TEP1: variants seen among roughly 807,000 people sequenced by gnomAD.
TEP1 encodes the protein telomerase protein component 1.
A neutral mutation model predicts 306.3 loss-of-function variants in TEP1; 241 were observed. The observed-to-expected ratio is 0.79, with a 90% CI of 0.71 to 0.88. The LOEUF (loss-of-function observed/expected upper bound fraction) is 0.88. Ranked by LOEUF, TEP1 falls within the 40% of genes least tolerant of loss-of-function variation. The probability of loss-of-function intolerance (pLI) is 0.00; values close to 1 mark genes in which losing one functional copy is unlikely to be tolerated. For missense variants in TEP1, 3,051 were observed against 3,276.1 expected (o/e 0.93, Z 1.68); for synonymous variants, 1,289 against 1,305.5 (o/e 0.99, Z 0.27).
intron 44 of TEP1, among the ~76,000 whole-genome samples, chr14:20,374,175 T>G (rs1885034522): frequency 6.6e-6 from 1 of 151,906 alleles, no homozygotes; most frequent in African/African-American, 2.4e-5. Context: ...ACTGTAGCCT[T>G]GAAATCCTGG....
chr14:20,410,568 G>A (rs1024080131), intron 1 of TEP1, among the ~76,000 whole-genome samples: 16 of 148,932 alleles, frequency 1.1e-4, no homozygotes, highest in Admixed American at 5.3e-4. Context: ...AATTACAGGC[G>A]CCCGCCACTA....
intron 51 of TEP1, among the ~76,000 whole-genome samples, chr14:20,370,822 C>T (rs1352280152): frequency 6.6e-6 from 1 of 152,176 alleles, no homozygotes; most frequent in East Asian, 1.9e-4. Flanking sequence ...AAGTGAACAG[C>T]TAGCTTTGGC....
At chr14:20,409,522 G>A (rs1879460280) in intron 1 of TEP1, among the ~76,000 whole-genome samples, 1 of 152,158 alleles carries the variant, frequency 6.6e-6, no homozygotes, top group African/African-American at 2.4e-5. Flanking sequence ...ACTCAAAGGT[G>A]CTCCAAATTC....
In TEP1 at chr14:20,404,722, G is replaced by T. The variant is rs1760898; in HGVS notation, c.921C>A (p.Asn307Lys). The T allele has an allele frequency of 0.25, 405,259 of 1,613,300 alleles. 54,837 individuals are homozygous for T. The highest frequency in any genetic ancestry group is 0.47 in the African/African-American group (35,404 of 74,952). The change falls in exon 5 of 55, where the codon AAC becomes AAA. Residue 307 changes from asparagine (N) to lysine (K), a missense_variant. Asn to Lys is a moderately conservative substitution (Grantham distance 94). This residue lies in a region of TEP1 where 1,507 missense variants were observed against 1,550.5 expected (regional missense o/e 0.97). Transcript: ENST00000262715. Reference protein sequence around the residue: ...QQLNVRNVANNILAIAAFLPA... With the variant: ...QQLNVRNVANKILAIAAFLPA... The stretch of plus-strand genomic sequence containing the variant: ...GCAAGAAAGCAGCAATGGCCAAGAT[G>T]TTATTGGCCACATTCCGGACGTTCA...
At position 20,378,386 on chromosome 14, in the gene TEP1, G is replaced by T; in HGVS notation, c.5502C>A (p.Val1834=). The change falls in exon 38 of 55, where the codon GTC becomes GTA. Residue 1834 remains valine (V), a synonymous_variant. Transcript: ENST00000262715. ...ISFFQVDGLK[V]TKDLGAPGAS... ...CAACACTGGACCTTCTTACCTTGGT[G>T]ACTTTGAGCCCATCCACCTGGAAGA... 1 of 1,614,190 alleles carries T rather than the reference G, an allele frequency of 6.2e-7. No individual in the cohort carries two copies. Among genetic ancestry groups the T allele is most frequent in the Non-Finnish European group, 8.5e-7 (1 of 1,180,050 alleles).
Position 20,380,392 on chromosome 14 carries a change from T to C in TEP1, c.4846A>G (p.Ile1616Val), listed in dbSNP as rs1373014155. 1.2e-6 allele frequency: 2 copies of C among 1,614,074 alleles called. No individual in the cohort carries two copies. The highest frequency in any genetic ancestry group is 1.7e-6 in the Non-Finnish European group (2 of 1,180,038). ...AGGAGCCGGGGGTACTGGCTGAGGATTGAAGCCTGCTGCCTCAGGAAGGTG... is the reference window on the plus strand; with the variant it reads ...AGGAGCCGGGGGTACTGGCTGAGGACTGAAGCCTGCTGCCTCAGGAAGGTG... The part of the protein sequence containing the change: ...FRTFLRQQAS[I>V]LSQYPRLLPQ... The change falls in exon 34 of 55, where the codon ATC becomes GTC. Residue 1616 changes from isoleucine to valine, a missense_variant. Ile to Val is a conservative substitution (Grantham distance 29). This residue lies in a region of TEP1 where 1,540 missense variants were observed against 1,705.9 expected (regional missense o/e 0.90). Coordinates refer to ENST00000262715, the MANE Select transcript of TEP1 (RefSeq NM_007110.5).
rs144833222 is a variant in TEP1, at chr14:20,378,026, T to A, written c.5719A>T (p.Lys1907Ter). ...CCACCAGCCCTCTGCAAGCTGACCT[T>A]GCCATCCTCTCCAGCCGTCAGTAAC... ...CQLLTAGEDG[K>*]VQVWSGSLGR... The change falls in exon 39 of 55, where the codon AAG becomes TAG. Residue 1907 changes from lysine to a stop codon, truncating the protein, a stop_gained and splice_region_variant. Coordinates refer to ENST00000262715, the MANE Select transcript of TEP1 (RefSeq NM_007110.5). LOFTEE classifies it high-confidence loss of function. The A allele has an allele frequency of 6.2e-7, 1 of 1,613,014 alleles. No homozygotes were observed.
At position 20,383,919 on chromosome 14, in the gene TEP1, C is replaced by G. The variant is rs1876852786; in HGVS notation, c.3535-1G>C. 6.3e-7 allele frequency: 1 copy of G among 1,598,384 alleles called. No individual in the cohort carries two copies. Among genetic ancestry groups the G allele is most frequent in the Non-Finnish European group, 8.5e-7 (1 of 1,177,928 alleles). On this transcript the variant is annotated splice_acceptor_variant, in intron 24 of 54. Coordinates refer to ENST00000262715, the MANE Select transcript of TEP1 (RefSeq NM_007110.5). LOFTEE classifies it high-confidence loss of function. Reference sequence around the variant, plus strand: ...CCTGCAGGGCTGACACAAGAGATGCCTGCATGGGACAGGAACAGAAAACAT... The same window carrying G: ...CCTGCAGGGCTGACACAAGAGATGCGTGCATGGGACAGGAACAGAAAACAT...
chr14:20,368,559 G>A lies in TEP1; in HGVS notation c.7762C>T (p.Leu2588=). The A allele has an allele frequency of 6.2e-7, 1 of 1,614,122 alleles. No individual in the cohort carries two copies. The highest frequency in any genetic ancestry group is 2.2e-5 in the East Asian group (1 of 44,880). ...KLWERPSMQL[L]GLFRCEGSVS... ...GACCCTTCGCATCGGAACAGGCCCA[G>A]CTACGATGGGAACAAAAATAGGGGA... The change falls in exon 55 of 55, where the codon CTG becomes TTG. Residue 2588 remains leucine, a splice_region_variant and synonymous_variant. Transcript: ENST00000262715.
chr14:20,404,559 A>G, intron 5 of TEP1, 52 bp downstream of exon 5: 1 of 1,573,424 alleles, frequency 6.4e-7, no homozygotes, highest in Non-Finnish European at 8.6e-7. Flanking sequence ...TGCAGTGAGC[A>G]TAAGAGAAGG....
chr14:20,384,364 C>T, intron 23 of TEP1, 27 bp downstream of exon 23: 1 of 1,613,674 alleles, frequency 6.2e-7, no homozygotes, highest in Non-Finnish European at 8.5e-7. Flanking sequence ...CCTCTCCATG[C>T]CTCTGGTCAC....
chr14:20,384,099 A>G lies in TEP1; in HGVS notation c.3473T>C (p.Leu1158Pro). The change falls in exon 24 of 55, where the codon CTG (leucine) becomes CCG (proline). Residue 1158 changes from leucine to proline, a missense_variant. Physicochemically the swap from Leu to Pro is moderately conservative, Grantham distance 98. Coordinates refer to ENST00000262715, the MANE Select transcript of TEP1 (RefSeq NM_007110.5). ...CACCAGGCTCAGCCTTCCGTGGGGCAGCATCAGCCGTTGCACTGTGTCCTG... is the reference window on the plus strand; with the variant it reads ...CACCAGGCTCAGCCTTCCGTGGGGCGGCATCAGCCGTTGCACTGTGTCCTG... ...LLQDTVQRLMLPHGRLSLVTG... is the reference protein window; with the variant it reads ...LLQDTVQRLMPPHGRLSLVTG... 1 of 1,613,970 alleles carries G rather than the reference A, an allele frequency of 6.2e-7. No homozygotes were observed. Among genetic ancestry groups the G allele is most frequent in the Non-Finnish European group, 8.5e-7 (1 of 1,179,992 alleles).
chr14:20,389,665 G>A lies in TEP1; in HGVS notation c.2410C>T (p.Arg804Cys), dbSNP rs1189679858. Residue 804 changes from arginine (R) to cysteine (C), a missense_variant, in exon 16 of 55, where the codon CGT (arginine) becomes TGT (cysteine). By Grantham distance (180) the Arg-to-Cys change is radical. Transcript: ENST00000262715. Reference protein sequence around the residue: ...INVAKQLYWQRVNSKCLFVGI... With the variant: ...INVAKQLYWQCVNSKCLFVGI... ...ACAAAGAGGCACTTGGAATTCACAC[G>A]CTGCCAGTAAAGCTGTTTGGCCACA... 11 of 1,614,068 alleles carry A rather than the reference G, an allele frequency of 6.8e-6. No individual in the cohort carries two copies. The highest frequency in any genetic ancestry group is 5.3e-5 in the African/African-American group (4 of 74,906).
intron 5 of TEP1, among the ~76,000 whole-genome samples, chr14:20,404,356 CAAA>C (rs34000493): frequency 7.3e-5 from 7 of 95,508 alleles, no homozygotes; most frequent in Admixed American, 1.2e-4. Context: ...ACTCCGTCTC[CAAA>C]AAAAAAAAAA....
intron 51 of TEP1, 138 bp from the exon 52 acceptor site, chr14:20,369,917 A>AT (rs59667471): frequency 1.0e-5 from 6 of 590,978 alleles, no homozygotes; most frequent in Middle Eastern, 4.9e-4. Context: ...CAAGTGCGCA[A>AT]ATTTTTTTTT....
In TEP1 at chr14:20,390,939, T is replaced by C; in HGVS notation, c.2255A>G (p.Gln752Arg). The change falls in exon 14 of 55, where the codon CAG (glutamine) becomes CGG (arginine). Residue 752 changes from glutamine to arginine, a missense_variant and splice_region_variant. Transcript: ENST00000262715. ...GATGGTGGGTGTTGAGTGTCTGACC[T>C]GGACTTGAGCCTGGAGCTTGATGGC... The part of the protein sequence containing the change: ...KTAIKLQAQV[Q>R]EFDENDGWSL... The C allele has an allele frequency of 6.2e-7, 1 of 1,614,130 alleles. No homozygotes were observed.
chr14:20,382,767 G>GCCCTCTGCCCCAGCACCAGC, intron 27 of TEP1, 52 bp from the exon 28 acceptor site: 1 of 1,558,570 alleles, frequency 6.4e-7, no homozygotes, highest in Non-Finnish European at 8.8e-7. Flanking sequence ...CCCGCAGCCA[G>GCCCTCTGCCCCAGCACCAGC]CCCTCTGCCC....
At chr14:20,378,281 C>G in intron 38 of TEP1, 45 bp from the exon 39 acceptor site, 1 of 1,612,836 alleles carries the variant, frequency 6.2e-7, no homozygotes, top group Non-Finnish European at 8.5e-7. Context: ...CTGCTCTCAG[C>G]AAAATCTTAA....
intron 9 of TEP1, among the ~76,000 whole-genome samples, chr14:20,397,402 G>A (rs748639775): frequency 1.2e-4 from 18 of 151,976 alleles, no homozygotes; most frequent in Non-Finnish European, 1.5e-4. Flanking sequence ...CCAGCCACTC[G>A]AAAGGCTGAG....
Sources: allele counts gnomAD v4.1 joint callset (sites outside exome capture counted in the v4.1 genomes callset), GRCh38; gene constraint gnomAD v4.1.1; regional missense constraint gnomAD v4.1.1; transcripts MANE v1.5; gene names NCBI Gene and HGNC (gene_info 2026-07-23, HGNC 2026-07-21).